Variants in IMPG2 observed in about 807,000 individuals in gnomAD.
IMPG2 encodes interphotoreceptor matrix proteoglycan 2, also known as IPM 200.
In IMPG2, 91 loss-of-function variants were observed where a neutral mutation model predicts 129.2. That is an observed-to-expected ratio of 0.70 (90% CI 0.59 to 0.84). IMPG2 has a LOEUF of 0.84. IMPG2 is among the 40% of genes least tolerant of loss of function. The pLI is 0.00. For missense variants in IMPG2, 1,430 were observed against 1,461.7 expected, an observed-to-expected ratio of 0.98 and a Z score of 0.35; for synonymous variants, 510 against 517.7, an observed-to-expected ratio of 0.99 and a Z score of 0.20.
intron 7 of IMPG2, among the ~76,000 whole-genome samples, chr3:101,271,786 G>A (rs755508986): frequency 1.3e-5 from 2 of 152,176 alleles, no homozygotes; most frequent in Admixed American, 1.3e-4. Context: ...GTAGAAGAAG[G>A]AGTACTTTGA....
intron 8 of IMPG2, among the ~76,000 whole-genome samples, chr3:101,268,254 G>A (rs937186553): frequency 5.9e-5 from 9 of 152,080 alleles, no homozygotes; most frequent in Non-Finnish European, 1.0e-4. Context: ...GAAGTGCAAC[G>A]GCAGGATCTG....
In IMPG2 at chr3:101,229,509, A is replaced by C. The variant is rs761404528; in HGVS notation, c.3504T>G (p.Ala1168=). ...AGGGTCCCTCATACTTCTCACATCC[A>C]GCCCTGTGACTTTCATACACGGGGT... ...KYNPVYESHR[A]GCEKYEGPYP... The change falls in exon 17 of 19, where the codon GCT becomes GCG. Residue 1168 remains alanine, a synonymous_variant. Coordinates refer to ENST00000193391, the MANE Select transcript of IMPG2 (RefSeq NM_016247.4). 3 of 1,613,902 alleles carry C rather than the reference A, an allele frequency of 1.9e-6. No homozygotes were observed. The highest frequency in any genetic ancestry group is 2.5e-6 in the Non-Finnish European group (3 of 1,180,030).
At chr3:101,302,786 T>C (rs1024083708) in intron 3 of IMPG2, among the ~76,000 whole-genome samples, 1 of 152,158 alleles carries the variant, frequency 6.6e-6, no homozygotes, top group Non-Finnish European at 1.5e-5. Flanking sequence ...ATACGTTTCA[T>C]TAAAATGTGA....
chr3:101,304,554 A>G (rs1412248037), intron 2 of IMPG2, among the ~76,000 whole-genome samples: 1 of 152,142 alleles, frequency 6.6e-6, no homozygotes, highest in African/African-American at 2.4e-5. Context: ...TCTCTTCATG[A>G]GCTGGAGTGT....
At chr3:101,270,098 C>T (rs1338749768) in intron 7 of IMPG2, among the ~76,000 whole-genome samples, 2 of 151,690 alleles carry the variant, frequency 1.3e-5, no homozygotes, top group East Asian at 1.9e-4. Context: ...CCACCATGCT[C>T]GGCTAATTTT....
intron 15 of IMPG2, among the ~76,000 whole-genome samples, 163 bp downstream of exon 15, chr3:101,232,618 C>T (rs1421198379): frequency 1.3e-5 from 2 of 151,976 alleles, no homozygotes; most frequent in African/African-American, 2.4e-5. Flanking sequence ...GCCTGTTAAA[C>T]AACTCATCCT....
At chr3:101,275,069 A>G (rs1379377517) in intron 6 of IMPG2, among the ~76,000 whole-genome samples, 1 of 152,112 alleles carries the variant, frequency 6.6e-6, no homozygotes, top group Non-Finnish European at 1.5e-5. Context: ...ATATTAAAAA[A>G]AAAAAAACAG....
chr3:101,255,048 G>C (rs1011621895), intron 10 of IMPG2, among the ~76,000 whole-genome samples: 1 of 151,830 alleles, frequency 6.6e-6, no homozygotes, highest in Non-Finnish European at 1.5e-5. Flanking sequence ...AGTTTCCTGA[G>C]GCCTTCCAGC....
Position 101,257,571 on chromosome 3 carries a change from A to G in IMPG2, c.1111T>C (p.Ser371Pro). 6.2e-7 allele frequency: 1 copy of G among 1,613,402 alleles called. No homozygotes were observed. The highest frequency in any genetic ancestry group is 1.3e-5 in the African/African-American group (1 of 74,992). Residue 371 changes from serine (S) to proline (P), a missense_variant, in exon 10 of 19, where the codon TCT becomes CCT. Physicochemically the swap from Ser to Pro is moderately conservative, Grantham distance 74 (BLOSUM62 -1). Transcript: ENST00000193391. Reference sequence around the variant, plus strand: ...GAATCAGGATCTGGATTCAAGGAAGAGTTCCCCAGCAAAAAATTCTGCTGC... The same window carrying G: ...GAATCAGGATCTGGATTCAAGGAAGGGTTCCCCAGCAAAAAATTCTGCTGC... ...TLQQNFLLGN[S>P]SLNPDPDSLQ...
At chr3:101,227,120 G>T in intron 18 of IMPG2, 139 bp from the exon 19 acceptor site, 1 of 984,934 alleles carries the variant, frequency 1.0e-6, no homozygotes, top group Non-Finnish European at 1.5e-6. Context: ...AAGGAAAGTT[G>T]TTCTGTTCTG....
At chr3:101,282,796 T>C (rs1368865652) in intron 4 of IMPG2, among the ~76,000 whole-genome samples, 1 of 152,172 alleles carries the variant, frequency 6.6e-6, no homozygotes, top group Non-Finnish European at 1.5e-5. Context: ...ACCCATGAGT[T>C]ATGAACCACA....
Position 101,243,509 on chromosome 3 carries a change from G to A in IMPG2, c.2802+20C>T, listed in dbSNP as rs759090220. 8 of 1,610,452 alleles carry A rather than the reference G, an allele frequency of 5.0e-6. No homozygotes were observed. The South Asian group carries it at 8.8e-5, about 18-fold the overall frequency. Reference sequence around the variant, plus strand: ...TACATGATTATTCACTAGTGCCCATGTTTCACTTTTTATGCTTACCAATTC... The same window carrying A: ...TACATGATTATTCACTAGTGCCCATATTTCACTTTTTATGCTTACCAATTC... On this transcript the variant is annotated intron_variant, in intron 13 of 18. Coordinates refer to ENST00000193391, the MANE Select transcript of IMPG2 (RefSeq NM_016247.4).
chr3:101,253,644 G>A, intron 11 of IMPG2, 52 bp downstream of exon 11: 1 of 1,233,782 alleles, frequency 8.1e-7, no homozygotes, highest in Non-Finnish European at 1.2e-6. Flanking sequence ...GGTGCAGGAA[G>A]AAAGAAGAGA....
At chr3:101,228,118 T>C (rs1026006289) in intron 18 of IMPG2, among the ~76,000 whole-genome samples, 1 of 152,246 alleles carries the variant, frequency 6.6e-6, no homozygotes, top group Non-Finnish European at 1.5e-5. Flanking sequence ...TATGGCCTCT[T>C]TTCAAGATAG....
At chr3:101,268,675 T>C (rs78226924) in intron 8 of IMPG2, among the ~76,000 whole-genome samples, 4,050 of 152,264 alleles carry the variant, frequency 0.027, 181 homozygotes, top group African/African-American at 0.092. Context: ...GTGCTTGCTG[T>C]TATTTCTGGT....
intron 3 of IMPG2, among the ~76,000 whole-genome samples, chr3:101,296,725 A>C (rs930833648): frequency 6.6e-6 from 1 of 152,058 alleles, no homozygotes; most frequent in Non-Finnish European, 1.5e-5. Flanking sequence ...TAGACTATTA[A>C]TTACTGCCTC....
chr3:101,256,218 A>AAAGAAAG (rs1304335098), intron 10 of IMPG2, among the ~76,000 whole-genome samples: 4 of 147,208 alleles, frequency 2.7e-5, no homozygotes, highest in South Asian at 2.1e-4. Flanking sequence ...AGAAAGAAAG[A>AAAGAAAG]AAAAAATATC....
At chr3:101,242,474 A>G (rs1706420186) in intron 14 of IMPG2, among the ~76,000 whole-genome samples, 1 of 152,224 alleles carries the variant, frequency 6.6e-6, no homozygotes, top group East Asian at 1.9e-4. Flanking sequence ...GTGAAATAAT[A>G]AAGTAACATG....
intron 11 of IMPG2, among the ~76,000 whole-genome samples, chr3:101,248,051 C>CA (rs1706500952): frequency 6.6e-6 from 1 of 152,130 alleles, no homozygotes; most frequent in Non-Finnish European, 1.5e-5. Flanking sequence ...GGGTGGCTAA[C>CA]TAGAGTTTAG....
Sources: allele counts gnomAD v4.1 joint callset (sites outside exome capture counted in the v4.1 genomes callset), GRCh38; gene constraint gnomAD v4.1.1; transcripts MANE v1.5; gene names NCBI Gene and HGNC (gene_info 2026-07-23, HGNC 2026-07-21).